CFAP44: variants seen among roughly 807,000 people sequenced by gnomAD.
CFAP44 encodes the protein cilia and flagella associated protein 44, also known as cilia- and flagella-associated protein 44.
Under a neutral mutation model 216.2 loss-of-function variants are expected in CFAP44, and 134 were observed. That is an observed-to-expected ratio of 0.62 (90% CI 0.54 to 0.72). The LOEUF (loss-of-function observed/expected upper bound fraction) is 0.72. CFAP44 is among the 30% of genes least tolerant of loss of function. The probability of loss-of-function intolerance (pLI) is 0.00; values close to 1 mark genes in which losing one functional copy is unlikely to be tolerated. For synonymous variants in CFAP44, 700 were observed against 727.6 expected (o/e 0.96, Z 0.61); for missense variants, 2,035 against 2,182.1 (o/e 0.93, Z 1.34).
chr3:113,303,911 C>T lies in CFAP44; in HGVS notation c.5077+5G>A, dbSNP rs1282440827. ...ACTAGCAAGGCTGTGGGCTTAGATACTCACTGTGTATGGTTTTTGTCATTT... is the reference window on the plus strand; with the variant it reads ...ACTAGCAAGGCTGTGGGCTTAGATATTCACTGTGTATGGTTTTTGTCATTT... On this transcript the variant is annotated splice_donor_5th_base_variant and intron_variant, in intron 32 of 34. Transcript: ENST00000393845. 6 of 1,537,396 alleles carry T rather than the reference C, an allele frequency of 3.9e-6. No individual in the cohort carries two copies. The highest frequency in any genetic ancestry group is 1.2e-5 in the South Asian group (1 of 84,030).
rs189558327 is a variant in CFAP44 at position 113,375,340 on chromosome 3, T to C, written c.2299-1784A>G. On this transcript the variant is annotated intron_variant, in intron 17 of 34. Transcript: ENST00000393845. ...ATGGTTAAGATGGTCAATTTTATGT[T>C]ATATGTCTTTTACTTCAATAAAAAG... is the stretch of plus-strand genomic sequence containing the variant. Among the ~76,000 whole-genome samples the C allele has an allele frequency of 5.3e-4, 80 of 152,354 alleles. 1 individual carries two copies. Among genetic ancestry groups the C allele is most frequent in the South Asian group, 2.7e-3 (13 of 4,826 alleles).
intron 15 of CFAP44, 57 bp from the exon 16 acceptor site, chr3:113,381,117 T>A: frequency 1.6e-6 from 2 of 1,240,552 alleles, no homozygotes; most frequent in Non-Finnish European, 1.1e-6. Flanking sequence ...AAGCATAGTT[T>A]AAAGAGATTA....
intron 34 of CFAP44, 147 bp from the exon 35 acceptor site, chr3:113,291,895 C>T: frequency 1.2e-6 from 1 of 869,356 alleles, no homozygotes; most frequent in Non-Finnish European, 1.7e-6. Flanking sequence ...TTCAATTCCT[C>T]TGCTAAAATC....
At chr3:113,398,062 TA>T (rs1324374811) in intron 13 of CFAP44, among the ~76,000 whole-genome samples, 1 of 152,068 alleles carries the variant, frequency 6.6e-6, no homozygotes, top group African/African-American at 2.4e-5. Context: ...ATTTAGGGAA[TA>T]AAAAAGCTGT....
At chr3:113,330,805 C>G (rs1950235243) in intron 25 of CFAP44, 137 bp from the exon 26 acceptor site, 1 of 1,222,386 alleles carries the variant, frequency 8.2e-7, no homozygotes, top group Admixed American at 3.2e-5. Flanking sequence ...TACCTTTTTA[C>G]CACCAAGTTT....
intron 28 of CFAP44, among the ~76,000 whole-genome samples, chr3:113,320,581 T>C (rs561948543): frequency 1.3e-5 from 2 of 149,560 alleles, no homozygotes; most frequent in Admixed American, 1.3e-4. Flanking sequence ...AATGAAGTTA[T>C]ATATATCTAG....
chr3:113,379,687 G>T, intron 16 of CFAP44, 136 bp from the exon 17 acceptor site: 2 of 615,926 alleles, frequency 3.2e-6, no homozygotes, highest in Non-Finnish European at 4.9e-6. Flanking sequence ...ACTCACCAAT[G>T]CGAGAATATA....
chr3:113,352,059 A>G (rs998245208), intron 22 of CFAP44, among the ~76,000 whole-genome samples: 1 of 152,116 alleles, frequency 6.6e-6, no homozygotes, highest in Non-Finnish European at 1.5e-5. Flanking sequence ...TGTCCTGTTT[A>G]GAGGGGGGAT....
chr3:113,441,501 G>A, upstream of CFAP44: 2 of 985,444 alleles, frequency 2.0e-6, no homozygotes, highest in Non-Finnish European at 2.4e-6. Context: ...TCTGCCGGAG[G>A]CCTCCGTTTA....
chr3:113,373,824 C>T (rs1220497659), intron 17 of CFAP44, among the ~76,000 whole-genome samples: 2 of 152,054 alleles, frequency 1.3e-5, no homozygotes, highest in African/African-American at 4.8e-5. Context: ...CCTCTGACTC[C>T]CTACCTACAG....
rs143438399 is a variant in CFAP44 at position 113,290,698 on chromosome 3, G to C, written c.*859C>G. The stretch of plus-strand genomic sequence containing the variant: ...TGCATAATCAAAGGTGATTGTTAAA[G>C]ATGATCTCTAGTAAATCTATTTCAT... On this transcript the variant is annotated 3_prime_UTR_variant, in exon 35 of 35. Transcript: ENST00000393845. The C allele has an allele frequency of 1.3e-5, 2 of 152,298 alleles. No individual in the cohort carries two copies. Among genetic ancestry groups the C allele is most frequent in the East Asian group, 3.9e-4 (2 of 5,192 alleles). The allele number at this position is 152,298 out of a possible 1,614,324, so 9.4% of individuals were successfully genotyped here. A position where few individuals can be genotyped will look rare whatever the true frequency, so the allele number is the denominator to read the frequency against.
intron 1 of CFAP44, among the ~76,000 whole-genome samples, chr3:113,440,585 C>CTG (rs1396458809): frequency 6.6e-6 from 1 of 152,144 alleles, no homozygotes; most frequent in Non-Finnish European, 1.5e-5. Flanking sequence ...CCAGTCCTCA[C>CTG]TGTGTCTCAC....
Position 113,427,266 on chromosome 3 carries a change from A to G in CFAP44, c.174T>C (p.Tyr58=). The G allele has an allele frequency of 6.2e-7, 1 of 1,613,572 alleles. No homozygotes were observed. Among genetic ancestry groups the G allele is most frequent in the Non-Finnish European group, 8.5e-7 (1 of 1,179,774 alleles). ...DETFTKGEGS[Y]LEEDSDEERL... is the part of the protein sequence containing the mutation. ...GTTCCTCATCTGAGTCTTCTTCTAA[A>G]TATGATCCTTCCCCTTTGGTAAATG... The change falls in exon 3 of 35, where the codon TAT becomes TAC. Residue 58 remains tyrosine (Y), a synonymous_variant. Transcript: ENST00000393845.
intron 22 of CFAP44, among the ~76,000 whole-genome samples, chr3:113,348,719 G>A (rs996952156): frequency 6.6e-6 from 1 of 152,142 alleles, no homozygotes; most frequent in African/African-American, 2.4e-5. Flanking sequence ...AAGCTGTAGG[G>A]GGAGGGGAAT....
At chr3:113,415,255 TCTTC>T (rs967827428) in intron 6 of CFAP44, among the ~76,000 whole-genome samples, 8 of 152,182 alleles carry the variant, frequency 5.3e-5, no homozygotes, top group African/African-American at 1.7e-4. Flanking sequence ...TTCTCTTCCT[TCTTC>T]CTTATTAGTC....
chr3:113,399,833 A>G, intron 13 of CFAP44, 73 bp downstream of exon 13: 1 of 1,027,702 alleles, frequency 9.7e-7, no homozygotes, highest in Non-Finnish European at 1.4e-6. Context: ...AAATATCTAT[A>G]TTTCCAGAAA....
chr3:113,294,537 A>G (rs1949862322), intron 34 of CFAP44, 150 bp downstream of exon 34: 1 of 1,040,028 alleles, frequency 9.6e-7, no homozygotes, highest in Non-Finnish European at 1.3e-6. Flanking sequence ...GCTAACACCA[A>G]CTCAGTGTCC....
chr3:113,377,659 A>G (rs1933385477), intron 17 of CFAP44, among the ~76,000 whole-genome samples: 1 of 152,096 alleles, frequency 6.6e-6, no homozygotes, highest in Non-Finnish European at 1.5e-5. Context: ...ACAAAAACAT[A>G]TATATATTTT....
rs1270832117 is a variant in CFAP44, at chr3:113,291,740, G to A, written c.5382C>T (p.Ala1794=). ...CATCTGCTTCCCGAGGGCCCTGGAAGGCATTGCCCTGTTGAAAGAAAACAG... is the reference window on the plus strand; with the variant it reads ...CATCTGCTTCCCGAGGGCCCTGGAAAGCATTGCCCTGTTGAAAGAAAACAG... ...LNTLQNQQGN[A]FQGPREADVV... The change falls in exon 35 of 35, where the codon GCC becomes GCT. Residue 1794 remains alanine, a synonymous_variant. Transcript: ENST00000393845. 1 of 1,535,814 alleles carries A rather than the reference G, an allele frequency of 6.5e-7. No homozygotes were observed. The highest frequency in any genetic ancestry group is 8.7e-7 in the Non-Finnish European group (1 of 1,146,888).
Sources: gnomAD v4.1 joint callset for allele counts (sites outside exome capture counted in the v4.1 genomes callset) on GRCh38, gnomAD v4.1.1 for gene constraint, MANE v1.5 for transcripts, NCBI Gene and HGNC (gene_info 2026-07-23, HGNC 2026-07-21) for gene names.